The following COL24A1 variants were observed in gnomAD, a reference collection of about 807,000 sequenced individuals.
COL24A1 encodes collagen type XXIV alpha 1 chain.
COL24A1 carries 224 observed loss-of-function variants against 253.9 expected under a neutral mutation model. That is an observed-to-expected ratio of 0.88 (90% CI 0.79 to 0.99). The LOEUF is 0.99. Ranked by LOEUF, COL24A1 falls within the 50% of genes least tolerant of loss-of-function variation. COL24A1 has a pLI of 0.00. For missense variants in COL24A1, 2,131 were observed against 2,068.5 expected, an observed-to-expected ratio of 1.03 and a Z score of -0.59; for synonymous variants, 685 against 673.7, an observed-to-expected ratio of 1.02 and a Z score of -0.26.
chr1:86,034,676 A>G (rs1172189433), intron 12 of COL24A1, among the ~76,000 whole-genome samples: 1 of 152,152 alleles, frequency 6.6e-6, no homozygotes, highest in Non-Finnish European at 1.5e-5. Context: ...TGAGGTGAAA[A>G]TTAAAAGCTT....
chr1:86,088,765 T>G (rs1224110016), intron 7 of COL24A1, among the ~76,000 whole-genome samples: 1 of 152,164 alleles, frequency 6.6e-6, no homozygotes, highest in East Asian at 1.9e-4. Context: ...CAAGTAAACC[T>G]CACTTTGGGC....
At chr1:86,127,120 C>T (rs2202674) in intron 2 of COL24A1, among the ~76,000 whole-genome samples, 94,613 of 151,828 alleles carry the variant, frequency 0.62, 29,665 homozygotes, top group Middle Eastern at 0.67. Context: ...TGATAATTCC[C>T]GGACAAAAGA....
In COL24A1 at chr1:85,957,716, A is replaced by T. The variant is rs540182715; in HGVS notation, c.2562+3533T>A. Among the ~76,000 whole-genome samples, 85 of 152,274 alleles carry T rather than the reference A, an allele frequency of 5.6e-4. No homozygotes were observed. In the Middle Eastern group the frequency reaches 0.01, roughly 18 times the overall value. ...TATAGACTACTACAGAAGCATCCTC[A>T]TTGGTTATCCTCTTCTACTTCTGCT... On this transcript the variant is annotated intron_variant, in intron 24 of 59. Transcript: ENST00000370571.
chr1:85,908,625 TG>T lies in COL24A1; in HGVS notation c.2696del (p.Pro899GlnfsTer37). On this transcript the variant is annotated frameshift_variant, in exon 27 of 60. Transcript: ENST00000370571. LOFTEE classifies it high-confidence loss of function. Reference protein sequence around the residue: ...VMGYPGPPGVPGPIGPLGLPG... With the variant: ...VMGYPGPPGVXGPIGPLGLPG... Reference sequence around the variant, plus strand: ...GTAATCCCAATGGACCGATAGGTCCTGGAACCCCAGGAGGACCTGGATATCC... The same window carrying T: ...GTAATCCCAATGGACCGATAGGTCCTGAACCCCAGGAGGACCTGGATATCC... 6.8e-7 allele frequency: 1 copy of T among 1,475,636 alleles called. No individual in the cohort carries two copies. Among genetic ancestry groups the T allele is most frequent in the Non-Finnish European group, 9.1e-7 (1 of 1,100,380 alleles). The allele number at this position is 1,475,636 out of a possible 1,614,324, so 91.4% of individuals were successfully genotyped here.
chr1:86,058,088 A>G (rs1700791291), intron 9 of COL24A1, 113 bp from the exon 10 acceptor site: 2 of 752,248 alleles, frequency 2.7e-6, no homozygotes, highest in South Asian at 4.1e-5. Flanking sequence ...TATAGAATTC[A>G]GAACTCTGTA....
intron 35 of COL24A1, among the ~76,000 whole-genome samples, chr1:85,872,184 G>A (rs191627655): frequency 2.0e-5 from 3 of 152,214 alleles, no homozygotes; most frequent in East Asian, 1.9e-4. Flanking sequence ...ACTGCTCAAC[G>A]AAATAAAAGA....
intron 18 of COL24A1, 35 bp from the exon 19 acceptor site, chr1:86,017,239 A>C: frequency 6.7e-7 from 1 of 1,499,254 alleles, no homozygotes; most frequent in South Asian, 1.3e-5. Context: ...GTATAAACAT[A>C]AACTTAATAA....
rs567996180 is a variant in COL24A1 at position 86,008,530 on chromosome 1, A to G, written c.2310+8621T>C. On this transcript the variant is annotated intron_variant, in intron 19 of 59. Transcript: ENST00000370571. Reference sequence around the variant, plus strand: ...AATGTAATAAAATATGAATATTTTAATCTTCATGCCAGCATTTACTTCATG... The same window carrying G: ...AATGTAATAAAATATGAATATTTTAGTCTTCATGCCAGCATTTACTTCATG... Among the ~76,000 whole-genome samples the G allele has an allele frequency of 2.2e-4, 33 of 152,324 alleles. 1 individual carries two copies. The highest frequency in any genetic ancestry group is 7.9e-4 in the African/African-American group (33 of 41,590).
rs1451149206 is a variant in COL24A1, at chr1:85,763,495, T to TC, written c.4375-1930_4375-1929insG. ...TCTGTTAATTTTCTTTTACTTTCTT[T>TC]TTTTTTTTTTTTTTGAGACGTAGTT... On this transcript the variant is annotated intron_variant, in intron 53 of 59. Transcript: ENST00000370571. Among the ~76,000 whole-genome samples, 11 of 147,962 alleles carry TC rather than the reference T, an allele frequency of 7.4e-5. No homozygotes were observed. In the East Asian group the frequency reaches 1.6e-3, roughly 21 times the overall value.
In COL24A1 at chr1:85,745,766, T is replaced by A. The variant is rs978994085; in HGVS notation, c.4438-260A>T. Among the ~76,000 whole-genome samples, 4 of 152,276 alleles carry A rather than the reference T, an allele frequency of 2.6e-5. No homozygotes were observed. In the South Asian group the frequency reaches 8.3e-4, roughly 32 times the overall value. On this transcript the variant is annotated intron_variant, in intron 55 of 59. Coordinates refer to ENST00000370571, the MANE Select transcript of COL24A1 (RefSeq NM_152890.7). ...TCTACAGTCCTCAGATGAAAAACTATTTGTTTCTGTTGCCTGAAAACACAC... is the reference window on the plus strand; with the variant it reads ...TCTACAGTCCTCAGATGAAAAACTAATTGTTTCTGTTGCCTGAAAACACAC...
chr1:85,855,407 A>AG (rs1182216584), intron 37 of COL24A1, among the ~76,000 whole-genome samples: 1 of 152,100 alleles, frequency 6.6e-6, no homozygotes, highest in African/African-American at 2.4e-5. Flanking sequence ...AAGTTTGTTG[A>AG]GGGTTAACAT....
chr1:85,764,714 GTT>G (rs1478065009), intron 53 of COL24A1, among the ~76,000 whole-genome samples: 2 of 152,024 alleles, frequency 1.3e-5, no homozygotes, highest in Non-Finnish European at 2.9e-5. Context: ...AATCTCCAAG[GTT>G]CACTTTAGAA....
chr1:85,951,235 G>A (rs1412591481), intron 24 of COL24A1, among the ~76,000 whole-genome samples: 3 of 152,096 alleles, frequency 2.0e-5, no homozygotes, highest in African/African-American at 7.2e-5. Flanking sequence ...CTTTCTGTAT[G>A]GATAGTTCAA....
intron 24 of COL24A1, among the ~76,000 whole-genome samples, chr1:85,922,102 A>C (rs1686581314): frequency 6.6e-6 from 1 of 152,192 alleles, no homozygotes; most frequent in African/African-American, 2.4e-5. Context: ...ATAAAGCAAG[A>C]GGAGAAGTTT....
At chr1:85,970,448 G>T (rs1692041564) in intron 21 of COL24A1, among the ~76,000 whole-genome samples, 177 bp from the exon 22 acceptor site, 1 of 151,904 alleles carries the variant, frequency 6.6e-6, no homozygotes, top group Admixed American at 6.6e-5. Context: ...TAGTTTTTTT[G>T]TGTGAACCTG....
chr1:86,038,395 C>A (rs191791710), intron 12 of COL24A1, among the ~76,000 whole-genome samples: 34 of 152,220 alleles, frequency 2.2e-4, no homozygotes, highest in East Asian at 7.7e-4. Context: ...TTAGCACAAT[C>A]TTGAGCAGTT....
At chr1:85,791,222 C>G (rs1419792645) in intron 47 of COL24A1, among the ~76,000 whole-genome samples, 2 of 152,034 alleles carry the variant, frequency 1.3e-5, no homozygotes, top group Non-Finnish European at 2.9e-5. Context: ...TAGAAATTAG[C>G]AATACTGCTC....
chr1:85,910,422 T>G (rs1168771280), intron 25 of COL24A1, among the ~76,000 whole-genome samples: 1 of 151,934 alleles, frequency 6.6e-6, no homozygotes, highest in African/African-American at 2.4e-5. Context: ...TTTTATTTTA[T>G]AGTCTGCCTA....
intron 31 of COL24A1, among the ~76,000 whole-genome samples, chr1:85,894,693 A>G (rs1403553953): frequency 6.6e-6 from 1 of 152,206 alleles, no homozygotes; most frequent in Admixed American, 6.5e-5. Context: ...GGTGATGAAT[A>G]TTAAAACTCA....
Sources: gnomAD v4.1 joint callset for allele counts (sites outside exome capture counted in the v4.1 genomes callset) on GRCh38, gnomAD v4.1.1 for gene constraint, MANE v1.5 for transcripts, NCBI Gene and HGNC (gene_info 2026-07-23, HGNC 2026-07-21) for gene names.